The following NUP188 variants were observed in gnomAD, a reference collection of about 807,000 sequenced individuals.
NUP188 encodes nucleoporin 188, also known as nucleoporin NUP188.
A neutral mutation model predicts 223.0 loss-of-function variants in NUP188; 97 were observed. The ratio of observed to expected loss-of-function variants is 0.43; its 90% CI spans 0.37 to 0.51. The LOEUF (loss-of-function observed/expected upper bound fraction) is 0.51, where lower values mean the gene tolerates loss of function less well. NUP188 is among the 20% of genes least tolerant of loss of function. NUP188 has a pLI of 0.00. For synonymous variants in NUP188, 869 were observed against 828.0 expected (o/e 1.05, Z -0.85); for missense variants, 1,947 against 2,175.6 (o/e 0.89, Z 2.09).
chr9:128,986,461 C>T, intron 20 of NUP188, 97 bp from the exon 21 acceptor site: 1 of 1,300,036 alleles, frequency 7.7e-7, no homozygotes, highest in Admixed American at 2.3e-5. Flanking sequence ...GCCTAGATTT[C>T]CTTTGGACCT....
chr9:128,948,645 C>CCA (rs1705520384), intron 1 of NUP188: 1 of 152,392 alleles, frequency 6.6e-6, no homozygotes, highest in Admixed American at 6.6e-5. Context: ...GTTCTTCCCA[C>CCA]CACCCTCCCT....
intron 12 of NUP188, among the ~76,000 whole-genome samples, 158 bp from the exon 13 acceptor site, chr9:128,979,104 A>G (rs575452230): frequency 5.9e-5 from 9 of 152,274 alleles, no homozygotes; most frequent in East Asian, 1.9e-4. Flanking sequence ...AGGATTTACT[A>G]TGTTCCCCAG....
rs757338632 is a variant in NUP188, at chr9:129,002,856, T to C, written c.4177T>C (p.Trp1393Arg). 43 of 1,614,112 alleles carry C rather than the reference T, an allele frequency of 2.7e-5. No homozygotes were observed. The Admixed American group carries it at 6.0e-4, about 23-fold the overall frequency. Reference protein sequence around the residue: ...ASRKSLDAPSWPGVYRLSMSL... With the variant: ...ASRKSLDAPSRPGVYRLSMSL... ...TCGGAAGTCCCTGGATGCCCCCTCT[T>C]GGCCAGGAGTCTACCGCCTGTCCAT... Residue 1393 changes from tryptophan (W) to arginine (R), a missense_variant, in exon 37 of 44, where the codon TGG (tryptophan) becomes CGG (arginine). Trp to Arg is a moderately radical substitution (Grantham distance 101, BLOSUM62 -3). Around this residue, in one of 3 missense-constraint regions of NUP188, gnomAD observed 905 missense variants for 990.6 expected, o/e 0.91. Coordinates refer to ENST00000372577, the MANE Select transcript of NUP188 (RefSeq NM_015354.3).
Position 128,979,258 on chromosome 9 carries a change from A to G in NUP188, c.1204-4A>G, listed in dbSNP as rs1842221875. The G allele has an allele frequency of 2.5e-6, 4 of 1,607,180 alleles. No homozygotes were observed. Among genetic ancestry groups the G allele is most frequent in the South Asian group, 2.2e-5 (2 of 90,588 alleles). ...GATCCATTTTTCTTCCCTTCCTCAA[A>G]CAGGATATAATTGATACAGCATGTG... On this transcript the variant is annotated splice_polypyrimidine_tract_variant and splice_region_variant and intron_variant, in intron 12 of 43. Coordinates refer to ENST00000372577, the MANE Select transcript of NUP188 (RefSeq NM_015354.3).
chr9:128,952,092 C>T (rs373042340), intron 2 of NUP188, among the ~76,000 whole-genome samples: 15 of 152,002 alleles, frequency 9.9e-5, no homozygotes, highest in African/African-American at 2.4e-4. Context: ...CATGCCTGGC[C>T]GAGTCTGATT....
intron 8 of NUP188, among the ~76,000 whole-genome samples, chr9:128,964,798 C>T (rs1037049767): frequency 5.3e-5 from 8 of 151,452 alleles, no homozygotes; most frequent in Middle Eastern, 3.4e-3. Flanking sequence ...CTCTGCCTCC[C>T]GGGTTCAAGG....
At position 128,985,905 on chromosome 9, in the gene NUP188, G is replaced by A. The variant is rs556986743; in HGVS notation, c.2077-653G>A. On this transcript the variant is annotated intron_variant, in intron 20 of 43. Transcript: ENST00000372577. ...AATACAAAAATTAGCTGGGCGTGGTGGTGGACGCCTGTAATCCCAGCTACT... is the reference window on the plus strand; with the variant it reads ...AATACAAAAATTAGCTGGGCGTGGTAGTGGACGCCTGTAATCCCAGCTACT... 7.2e-5 allele frequency among the ~76,000 whole-genome samples: 11 copies of A among 152,226 alleles called. No individual in the cohort carries two copies. In the South Asian group the frequency reaches 1.7e-3, roughly 23 times the overall value.
rs1319195378 is a variant in NUP188, at chr9:129,006,042, C to T, written c.4870-8C>T. 3.1e-6 allele frequency: 5 copies of T among 1,614,196 alleles called. No individual in the cohort carries two copies. The highest frequency in any genetic ancestry group is 3.4e-6 in the Non-Finnish European group (4 of 1,180,016). On this transcript the variant is annotated splice_polypyrimidine_tract_variant and splice_region_variant and intron_variant, in intron 41 of 43. Transcript: ENST00000372577. Reference sequence around the variant, plus strand: ...TTGTCTTAGTTTTTTACCCTTGCTTCTCTTCAGCTGGACAAGAAAAAGGAG... The same window carrying T: ...TTGTCTTAGTTTTTTACCCTTGCTTTTCTTCAGCTGGACAAGAAAAAGGAG...
chr9:128,971,666 C>T (rs1309420224), intron 11 of NUP188, among the ~76,000 whole-genome samples: 2 of 152,226 alleles, frequency 1.3e-5, no homozygotes, highest in Non-Finnish European at 2.9e-5. Context: ...GATCCACCCG[C>T]CTCGGCCTCC....
At chr9:128,987,760 G>T (rs1425660435) in intron 23 of NUP188, 43 bp downstream of exon 23, 2 of 1,591,918 alleles carry the variant, frequency 1.3e-6, no homozygotes, top group Non-Finnish European at 1.7e-6. Flanking sequence ...TCTTTATTGT[G>T]CCTGCATGTT....
At chr9:128,983,656 A>AT (rs1023175435) in intron 19 of NUP188, 106 bp downstream of exon 19, 141 of 857,028 alleles carry the variant, frequency 1.6e-4, no homozygotes, top group Admixed American at 2.3e-4. Flanking sequence ...TTGTTTGTTT[A>AT]TTTTTTTGAG....
chr9:128,978,709 T>C (rs1753851295), intron 12 of NUP188, among the ~76,000 whole-genome samples: 3 of 152,084 alleles, frequency 2.0e-5, no homozygotes, highest in Admixed American at 2.0e-4. Flanking sequence ...TAAGCAGTTT[T>C]TTTGTTTGTT....
intron 1 of NUP188, 109 bp from the exon 2 acceptor site, chr9:128,949,080 G>A: frequency 1.4e-6 from 1 of 716,282 alleles, no homozygotes; most frequent in Non-Finnish European, 2.4e-6. Flanking sequence ...AAATCGTTTT[G>A]TATATTGAGA....
At position 128,958,999 on chromosome 9, in the gene NUP188, T is replaced by A. The variant is rs757415694; in HGVS notation, c.466-16T>A. 1 of 1,518,986 alleles carries A rather than the reference T, an allele frequency of 6.6e-7. No individual in the cohort carries two copies. Among genetic ancestry groups the A allele is most frequent in the Non-Finnish European group, 8.9e-7 (1 of 1,119,700 alleles). The allele number at this position is 1,518,986 out of a possible 1,614,324, so 94.1% of individuals were successfully genotyped here. On this transcript the variant is annotated splice_polypyrimidine_tract_variant and intron_variant, in intron 7 of 43. Coordinates refer to ENST00000372577, the MANE Select transcript of NUP188 (RefSeq NM_015354.3). ...CTTTTATTCTAGGTATAATTTACTC[T>A]TTTGATTTTTTAAAGGTTGAATATG...
chr9:129,001,822 TACCTA>T (rs1842674725), intron 35 of NUP188, 57 bp from the exon 36 acceptor site: 1 of 1,592,106 alleles, frequency 6.3e-7, no homozygotes, highest in Non-Finnish European at 8.6e-7. Context: ...CTGAGAGCCC[TACCTA>T]CCCTAGGCAG....
rs1488327093 is a variant in NUP188 at position 128,969,473 on chromosome 9, A to G, written c.871A>G (p.Arg291Gly). 3 of 1,597,484 alleles carry G rather than the reference A, an allele frequency of 1.9e-6. No homozygotes were observed. The highest frequency in any genetic ancestry group is 1.8e-5 in the Admixed American group (1 of 55,114). Residue 291 changes from arginine (R) to glycine (G), a missense_variant, in exon 10 of 44, where the codon AGA becomes GGA. By Grantham distance (125) the Arg-to-Gly change is moderately radical. Around this residue, in one of 3 missense-constraint regions of NUP188, gnomAD observed 817 missense variants for 865.8 expected, o/e 0.94. Coordinates refer to ENST00000372577, the MANE Select transcript of NUP188 (RefSeq NM_015354.3). Reference sequence around the variant, plus strand: ...GCATAAGTGTGCTTTGGATGACAGAAGAGAACTGCATCAGTTTGCGCAGGA... The same window carrying G: ...GCATAAGTGTGCTTTGGATGACAGAGGAGAACTGCATCAGTTTGCGCAGGA... ...SLHKCALDDR[R>G]ELHQFAQDGL...
At chr9:128,964,404 C>G (rs72758898) in intron 8 of NUP188, 14,093 of 218,754 alleles carry the variant, frequency 0.064, 648 homozygotes, top group Non-Finnish European at 0.08. Context: ...GTTTGTCACT[C>G]AGACTGGAAT....
intron 8 of NUP188, among the ~76,000 whole-genome samples, chr9:128,960,150 A>G (rs1588270975): frequency 7.5e-6 from 1 of 132,546 alleles, no homozygotes; most frequent in Non-Finnish European, 1.5e-5. Flanking sequence ...TGCAGGCTCC[A>G]CCTCCCGGGT....
rs559876247 is a variant in NUP188, at chr9:129,006,262, A to G, written c.4967A>G (p.Glu1656Gly). The G allele has an allele frequency of 1.2e-6, 2 of 1,614,170 alleles. No homozygotes were observed. Among genetic ancestry groups the G allele is most frequent in the African/African-American group, 2.7e-5 (2 of 75,032 alleles). Residue 1656 changes from glutamate to glycine, a missense_variant, in exon 43 of 44, where the codon GAA becomes GGA. This residue lies in a region of NUP188 where 905 missense variants were observed against 990.6 expected (regional missense o/e 0.91). Transcript: ENST00000372577. The stretch of plus-strand genomic sequence containing the variant: ...AGGTCCCTCCTGATGTTTACCATGG[A>G]AAACTGCTTCTACCTGCTCATCTCT... ...TLKSLLMFTM[E>G]NCFYLLISQA...
Sources: gnomAD v4.1 joint callset for allele counts (sites outside exome capture counted in the v4.1 genomes callset) on GRCh38, gnomAD v4.1.1 for gene constraint, gnomAD v4.1.1 regional missense constraint, MANE v1.5 for transcripts, NCBI Gene and HGNC (gene_info 2026-07-23, HGNC 2026-07-21) for gene names.